FRK: variants seen among roughly 807,000 people sequenced by gnomAD.
FRK encodes fyn related Src family tyrosine kinase, also known as tyrosine-protein kinase FRK.
Under a neutral mutation model 56.4 loss-of-function variants are expected in FRK, and 51 were observed. The ratio of observed to expected loss-of-function variants is 0.90; its 90% CI spans 0.72 to 1.14. FRK has a LOEUF of 1.14. FRK is among the 50% of genes most tolerant of loss of function. The pLI is 0.00. For synonymous variants in FRK, 245 were observed against 217.9 expected, an observed-to-expected ratio of 1.12 and a Z score of -1.10; for missense variants, 570 against 601.4, an observed-to-expected ratio of 0.95 and a Z score of 0.55.
At chr6:116,029,664 C>T (rs1233428472) in intron 1 of FRK, among the ~76,000 whole-genome samples, 4 of 152,120 alleles carry the variant, frequency 2.6e-5, no homozygotes, top group Non-Finnish European at 5.9e-5. Flanking sequence ...TTCATCTATT[C>T]TACAGAACAA....
At chr6:116,016,316 T>C (rs1220584853) in intron 1 of FRK, among the ~76,000 whole-genome samples, 1 of 152,196 alleles carries the variant, frequency 6.6e-6, no homozygotes, top group East Asian at 1.9e-4. Flanking sequence ...TAGTTAACAT[T>C]AATCTACTGT....
Position 115,956,467 on chromosome 6 carries a change from G to A in FRK, c.943C>T (p.Gln315Ter). ...TTTAGCTTACTTTGGAGATATTCTT[G>A]CAGACTTCCATGTCTCATCAACTCT... ...ITELMRHGSL[Q>*]EYLQNDTGSK... The change falls in exon 5 of 8, where the codon CAA (glutamine) becomes TAA (stop). Residue 315 changes from glutamine to a stop codon, truncating the protein, a stop_gained. Transcript: ENST00000606080. LOFTEE classifies it high-confidence loss of function. 1 of 1,529,768 alleles carries A rather than the reference G, an allele frequency of 6.5e-7. No individual in the cohort carries two copies. 94.8% of individuals were successfully genotyped at this position (1,529,768 alleles called of 1,614,324 possible).
chr6:116,036,310 G>C (rs1237877413), intron 1 of FRK, among the ~76,000 whole-genome samples: 1 of 152,120 alleles, frequency 6.6e-6, no homozygotes, highest in Non-Finnish European at 1.5e-5. Context: ...GGAATGCAGT[G>C]AGCCAATTAC....
At chr6:115,968,834 T>A (rs996193280) in intron 2 of FRK, 95 bp from the exon 3 acceptor site, 25 of 1,037,080 alleles carry the variant, frequency 2.4e-5, no homozygotes, top group Middle Eastern at 2.2e-4. Flanking sequence ...TAAAATGAAA[T>A]CTATATAAAA....
At chr6:116,041,268 T>C (rs1776699740) in intron 1 of FRK, among the ~76,000 whole-genome samples, 1 of 152,216 alleles carries the variant, frequency 6.6e-6, no homozygotes. Context: ...ATCTGAAATG[T>C]CACTGTATTC....
chr6:116,070,134 TAAA>T, the FRK span, among the ~76,000 whole-genome samples: 1 of 137,022 alleles, frequency 7.3e-6, no homozygotes, highest in African/African-American at 2.7e-5. Context: ...GCCCATTATT[TAAA>T]AAAAAAAAAA....
the FRK span, among the ~76,000 whole-genome samples, chr6:116,083,167 A>G: frequency 6.6e-6 from 1 of 152,196 alleles, no homozygotes; most frequent in African/African-American, 2.4e-5. Context: ...ATAAAATAAT[A>G]CTGAGGATTG....
chr6:115,976,450 A>G lies in FRK; in HGVS notation c.467-7711T>C, dbSNP rs1363111115. ...GTCAGAGGCTGTGTCTGCAAGACAC[A>G]AAGACGTCAAGTCGGCTCAGTGAAA... On this transcript the variant is annotated intron_variant, in intron 2 of 7. Coordinates refer to ENST00000606080, the MANE Select transcript of FRK (RefSeq NM_002031.3). Among the ~76,000 whole-genome samples the G allele has an allele frequency of 2.0e-5, 3 of 152,164 alleles. No homozygotes were observed. In the East Asian group the frequency reaches 5.8e-4, roughly 29 times the overall value.
At chr6:115,973,892 C>T (rs1371157598) in intron 2 of FRK, among the ~76,000 whole-genome samples, 1 of 145,790 alleles carries the variant, frequency 6.9e-6, no homozygotes, top group African/African-American at 2.5e-5. Context: ...AAAAAGCCAA[C>T]AAAAAGTCAA....
intron 4 of FRK, among the ~76,000 whole-genome samples, chr6:115,957,914 G>A (rs1050664776): frequency 2.6e-5 from 4 of 152,152 alleles, no homozygotes; most frequent in Non-Finnish European, 4.4e-5. Context: ...ATGCCTGCAC[G>A]TATGTATTCA....
intron 5 of FRK, among the ~76,000 whole-genome samples, chr6:115,951,186 T>A (rs1303230758): frequency 2.0e-5 from 3 of 151,946 alleles, no homozygotes; most frequent in African/African-American, 7.3e-5. Context: ...ATAAAAAAAA[T>A]TGAAAACAAA....
the FRK span, among the ~76,000 whole-genome samples, chr6:116,073,075 C>A: frequency 6.6e-6 from 1 of 152,134 alleles, no homozygotes; most frequent in Non-Finnish European, 1.5e-5. Flanking sequence ...TATGTCTCCA[C>A]TGTACCCTGA....
intron 1 of FRK, among the ~76,000 whole-genome samples, chr6:116,004,638 T>C (rs187510354): frequency 1.3e-5 from 2 of 152,308 alleles, no homozygotes; most frequent in Admixed American, 1.3e-4. Context: ...AATATCCTTT[T>C]AGTAATACCT....
chr6:115,955,629 TA>T (rs939301541), intron 5 of FRK, among the ~76,000 whole-genome samples: 1 of 152,210 alleles, frequency 6.6e-6, no homozygotes, highest in Non-Finnish European at 1.5e-5. Context: ...ACCAGCTTCA[TA>T]AGTCATCCTG....
chr6:116,035,975 C>A (rs1048338651), intron 1 of FRK, among the ~76,000 whole-genome samples: 2 of 152,008 alleles, frequency 1.3e-5, no homozygotes, highest in African/African-American at 4.8e-5. Flanking sequence ...TATTTTCTTT[C>A]TCTTCATCTG....
chr6:115,987,867 G>A (rs1420405227), intron 2 of FRK, among the ~76,000 whole-genome samples: 1 of 152,006 alleles, frequency 6.6e-6, no homozygotes, highest in Admixed American at 6.6e-5. Flanking sequence ...AGAAAGTGCT[G>A]TTCACTATAA....
At chr6:116,066,634 G>A in the FRK span, among the ~76,000 whole-genome samples, 255 of 152,168 alleles carry the variant, frequency 1.7e-3, 2 homozygotes, top group Admixed American at 2.7e-3. Flanking sequence ...GCTCTGCTGG[G>A]GCTGTCTCCA....
In FRK at chr6:115,956,641, T is replaced by C. The variant is rs746704835; in HGVS notation, c.800-31A>G. ...ACAAGAAGAGGGAGAAATCACTTTA[T>C]GTTATTGAGGCATTCCTATCCTCAC... On this transcript the variant is annotated intron_variant, in intron 4 of 7. Coordinates refer to ENST00000606080, the MANE Select transcript of FRK (RefSeq NM_002031.3). The C allele has an allele frequency of 6.1e-6, 9 of 1,482,424 alleles. 1 individual carries two copies. The South Asian group carries it at 1.2e-4, about 20-fold the overall frequency. The allele number at this position is 1,482,424 out of a possible 1,614,324, so 91.8% of individuals were successfully genotyped here. A position where few individuals can be genotyped will look rare whatever the true frequency, so the allele number is the denominator to read the frequency against.
At chr6:115,983,797 T>G (rs1774294227) in intron 2 of FRK, among the ~76,000 whole-genome samples, 1 of 152,114 alleles carries the variant, frequency 6.6e-6, no homozygotes, top group Non-Finnish European at 1.5e-5. Flanking sequence ...GTCTCCAGCC[T>G]CACTGTCCAT....
Sources: allele counts gnomAD v4.1 joint callset (sites outside exome capture counted in the v4.1 genomes callset), GRCh38; gene constraint gnomAD v4.1.1; transcripts MANE v1.5; gene names NCBI Gene and HGNC (gene_info 2026-07-23, HGNC 2026-07-21).